Variants in CMTM2 observed in about 807,000 individuals in gnomAD.
CMTM2 encodes the protein CKLF like MARVEL transmembrane domain containing 2.
CMTM2 carries 15 observed loss-of-function variants against 16.8 expected under a neutral mutation model. The ratio of observed to expected loss-of-function variants is 0.89; its 90% CI spans 0.60 to 1.37. CMTM2 has a LOEUF of 1.37. Among genes scored for constraint, CMTM2 ranks in the 40% most tolerant of loss-of-function variants. The probability of loss-of-function intolerance (pLI) is 0.00; values close to 1 mark genes in which losing one functional copy is unlikely to be tolerated. For missense variants in CMTM2, 282 were observed against 318.0 expected (o/e 0.89, Z 0.86); for synonymous variants, 117 against 118.7 (o/e 0.99, Z 0.09).
rs1386469520 is a variant in CMTM2 at position 66,579,680 on chromosome 16, G to A, written c.73G>A (p.Glu25Lys). The A allele has an allele frequency of 3.7e-6, 6 of 1,613,816 alleles. No individual in the cohort carries two copies. The highest frequency in any genetic ancestry group is 4.2e-6 in the Non-Finnish European group (5 of 1,179,996). The change falls in exon 1 of 4, where the codon GAG becomes AAG. Residue 25 changes from glutamate (E) to lysine (K), a missense_variant. Glu to Lys is a moderately conservative substitution (Grantham distance 56). Transcript: ENST00000268595. This position sits in a 1 kb window ranked among gnomAD's most constrained non-coding sequence, Gnocchi z 6.5. ...PAPPPPGAKP[E>K]EDKKDGKEPS... is the part of the protein sequence containing the mutation. Reference sequence around the variant, plus strand: ...TCCACCTCCACCCGGGGCCAAACCCGAGGAAGACAAGAAGGACGGTAAGGA... The same window carrying A: ...TCCACCTCCACCCGGGGCCAAACCCAAGGAAGACAAGAAGGACGGTAAGGA...
At chr16:66,580,679 G>T (rs2144701316) in intron 2 of CMTM2, 1 of 157,150 alleles carries the variant, frequency 6.4e-6, no homozygotes, top group Non-Finnish European at 1.4e-5. Context: ...AAGGATGTTT[G>T]GATCAGAAGG....
At chr16:66,584,716 A>C (rs1376356690) in intron 2 of CMTM2, among the ~76,000 whole-genome samples, 5 of 152,216 alleles carry the variant, frequency 3.3e-5, no homozygotes, top group Admixed American at 3.3e-4. Context: ...AATATTCAAT[A>C]AATGTCCCTG....
intron 2 of CMTM2, among the ~76,000 whole-genome samples, chr16:66,582,713 A>G (rs1461209469): frequency 6.6e-6 from 1 of 152,016 alleles, no homozygotes; most frequent in East Asian, 1.9e-4. Context: ...AAAATAATAA[A>G]AGAGGTGTCA....
intron 2 of CMTM2, among the ~76,000 whole-genome samples, chr16:66,585,039 C>T (rs548053833): frequency 2.0e-5 from 3 of 151,886 alleles, no homozygotes; most frequent in South Asian, 2.1e-4. Context: ...CTCTGCCTCC[C>T]GGGTTCAAGT....
rs191027975 is a variant in CMTM2, at chr16:66,585,103, C to G, written c.445-1894C>G. 5.4e-4 allele frequency among the ~76,000 whole-genome samples: 82 copies of G among 151,934 alleles called. 1 individual carries two copies. The highest frequency in any genetic ancestry group is 3.4e-3 in the Middle Eastern group (1 of 294). On this transcript the variant is annotated intron_variant, in intron 2 of 3. Transcript: ENST00000268595. ...CTGGGATTACAGGCATGCACCCCCA[C>G]GCCCAGCTAATTTTGTATTTTTAGT...
At position 66,579,592 on chromosome 16, in the gene CMTM2, G is replaced by A. The variant is rs2014679376; in HGVS notation, c.-16G>A. On this transcript the variant is annotated 5_prime_UTR_variant, in exon 1 of 4. Transcript: ENST00000268595. This position sits in a 1 kb window ranked among gnomAD's most constrained non-coding sequence, Gnocchi z 6.5. ...AAACAGGCCAGCTGTGAGAAGCCAA[G>A]GACACCGAGTCAGTCATGGCACCTA... 1 of 1,613,346 alleles carries A rather than the reference G, an allele frequency of 6.2e-7. No homozygotes were observed. Among genetic ancestry groups the A allele is most frequent in the Non-Finnish European group, 8.5e-7 (1 of 1,179,900 alleles).
In CMTM2 at chr16:66,588,260, A is replaced by G. The variant is rs1037289175; in HGVS notation, c.*141A>G. On this transcript the variant is annotated 3_prime_UTR_variant, in exon 4 of 4. Transcript: ENST00000268595. ...TGCTTGGAAAAGAATGGATTAATGGATTCTAAAAGCCTAAAGTTGATGTAA... is the reference window on the plus strand; with the variant it reads ...TGCTTGGAAAAGAATGGATTAATGGGTTCTAAAAGCCTAAAGTTGATGTAA... 2.6e-6 allele frequency: 2 copies of G among 778,158 alleles called. No homozygotes were observed. The highest frequency in any genetic ancestry group is 3.5e-5 in the African/African-American group (2 of 56,988). The allele number at this position is 778,158 out of a possible 1,614,324, so 48.2% of individuals were successfully genotyped here.
rs540974856 is a variant in CMTM2, at chr16:66,583,453, C to T, written c.444+3269C>T. Reference sequence around the variant, plus strand: ...GTTGCCATGAGCCGAGATGGAGCCACTGCACTCCAGCCTGGGTGACAGAGC... The same window carrying T: ...GTTGCCATGAGCCGAGATGGAGCCATTGCACTCCAGCCTGGGTGACAGAGC... On this transcript the variant is annotated intron_variant, in intron 2 of 3. Transcript: ENST00000268595. Among the ~76,000 whole-genome samples the T allele has an allele frequency of 2.0e-5, 3 of 151,898 alleles. No individual in the cohort carries two copies. The South Asian group carries it at 6.2e-4, about 32-fold the overall frequency.
At chr16:66,586,530 GC>G (rs2014795363) in intron 2 of CMTM2, among the ~76,000 whole-genome samples, 2 of 152,072 alleles carry the variant, frequency 1.3e-5, no homozygotes, top group African/African-American at 2.4e-5. Context: ...ACCTGTAGTC[GC>G]AGCTGCTCAG....
chr16:66,582,538 A>G (rs897433782), intron 2 of CMTM2, among the ~76,000 whole-genome samples: 12 of 152,002 alleles, frequency 7.9e-5, no homozygotes, highest in Non-Finnish European at 2.9e-5. Context: ...CTGTCTCTAC[A>G]AAAAAATTTA....
In CMTM2 at chr16:66,579,466, C is replaced by A; in HGVS notation, c.-142C>A. The A allele has an allele frequency of 9.9e-7, 1 of 1,010,374 alleles. No homozygotes were observed. The highest frequency in any genetic ancestry group is 1.4e-6 in the Non-Finnish European group (1 of 698,018). The allele number at this position is 1,010,374 out of a possible 1,614,324, so 62.6% of individuals were successfully genotyped here. On this transcript the variant is annotated 5_prime_UTR_variant, in exon 1 of 4. Transcript: ENST00000268595. The surrounding 1 kb of genome is among the most constrained non-coding windows in gnomAD (Gnocchi z 6.5). ...TGGAGAGGGCGCGGGAGTTGGCATT[C>A]GGTGGTCCTGGCAGTTAGCTGAGCA... is the stretch of plus-strand genomic sequence containing the variant.
chr16:66,580,151 T>A lies in CMTM2; in HGVS notation c.411T>A (p.His137Gln). 6.2e-7 allele frequency: 1 copy of A among 1,614,168 alleles called. No homozygotes were observed. Among genetic ancestry groups the A allele is most frequent in the Non-Finnish European group, 8.5e-7 (1 of 1,180,010 alleles). The change falls in exon 2 of 4, where the codon CAT becomes CAA. Residue 137 changes from histidine (H) to glutamine (Q), a missense_variant. By Grantham distance (24) the His-to-Gln change is conservative. Coordinates refer to ENST00000268595, the MANE Select transcript of CMTM2 (RefSeq NM_144673.3). Reference protein sequence around the residue: ...FFILLYSFAIHRYIPFILWPI... With the variant: ...FFILLYSFAIQRYIPFILWPI... The stretch of plus-strand genomic sequence containing the variant: ...TCTTACTGTACAGCTTTGCCATTCA[T>A]AGATACATACCCTTCATCCTGTGGC...
chr16:66,585,254 C>T (rs1379424699), intron 2 of CMTM2, among the ~76,000 whole-genome samples: 1 of 152,138 alleles, frequency 6.6e-6, no homozygotes, highest in Non-Finnish European at 1.5e-5. Flanking sequence ...CTTACAAAAA[C>T]AATTTTTTTA....
chr16:66,588,212 T>C lies in CMTM2; in HGVS notation c.*93T>C. 8.3e-7 allele frequency: 1 copy of C among 1,202,092 alleles called. No individual in the cohort carries two copies. The highest frequency in any genetic ancestry group is 2.4e-5 in the Admixed American group (1 of 40,900). 74.5% of individuals were successfully genotyped at this position (1,202,092 alleles called of 1,614,324 possible). A position where few individuals can be genotyped will look rare whatever the true frequency, so the allele number is the denominator to read the frequency against. ...TTGTCTTCTTTCTGGAATGGTTTTC[T>C]TTTCCATTTTCATTACCACCTTTGC... On this transcript the variant is annotated 3_prime_UTR_variant, in exon 4 of 4. Coordinates refer to ENST00000268595, the MANE Select transcript of CMTM2 (RefSeq NM_144673.3).
At chr16:66,582,447 T>C (rs946347998) in intron 2 of CMTM2, among the ~76,000 whole-genome samples, 1 of 152,200 alleles carries the variant, frequency 6.6e-6, no homozygotes, top group African/African-American at 2.4e-5. Flanking sequence ...ACACCTGTAA[T>C]CCCAGCACGT....
intron 2 of CMTM2, chr16:66,580,613 T>A (rs891597325): frequency 6.0e-6 from 1 of 167,626 alleles, no homozygotes; most frequent in Admixed American, 5.7e-5. Context: ...AAAATGGGAA[T>A]TTTTTTTAAA....
chr16:66,580,344 G>A (rs1567382931), intron 2 of CMTM2, 160 bp downstream of exon 2: 2 of 715,034 alleles, frequency 2.8e-6, no homozygotes, highest in South Asian at 1.8e-5. Flanking sequence ...AGGCAGCTGG[G>A]TGCAAGAGGG....
At chr16:66,584,497 T>C (rs973432696) in intron 2 of CMTM2, among the ~76,000 whole-genome samples, 1 of 152,070 alleles carries the variant, frequency 6.6e-6, no homozygotes, top group Non-Finnish European at 1.5e-5. Context: ...CACCAGAAAC[T>C]GAATTTCCTG....
Position 66,585,226 on chromosome 16 carries a change from G to A in CMTM2, c.445-1771G>A, listed in dbSNP as rs145881231. The stretch of plus-strand genomic sequence containing the variant: ...CTCCCAAAGTGCTGGGATTACAGGC[G>A]TGAGCCACTGCGCCCAGCTTACAAA... On this transcript the variant is annotated intron_variant, in intron 2 of 3. Coordinates refer to ENST00000268595, the MANE Select transcript of CMTM2 (RefSeq NM_144673.3). 6.9e-3 allele frequency among the ~76,000 whole-genome samples: 1,051 copies of A among 152,236 alleles called. 14 individuals are homozygous for A. Among genetic ancestry groups the A allele is most frequent in the African/African-American group, 0.024 (997 of 41,534 alleles).
Sources: allele counts gnomAD v4.1 joint callset (sites outside exome capture counted in the v4.1 genomes callset), GRCh38; gene constraint gnomAD v4.1.1; non-coding constraint Gnocchi (gnomAD v3.1); transcripts MANE v1.5; gene names NCBI Gene and HGNC (gene_info 2026-07-23, HGNC 2026-07-21).